The following ADCY8 variants were observed in gnomAD, a reference collection of about 807,000 sequenced individuals.
The protein encoded by ADCY8 is adenylate cyclase type 8.
In ADCY8, 51 loss-of-function variants were observed where a neutral mutation model predicts 119.7. The observed-to-expected ratio is 0.43, with a 90% CI of 0.34 to 0.54. The LOEUF is 0.54. ADCY8 is among the 20% of genes least tolerant of loss of function. ADCY8 has a pLI of 0.03. For missense variants in ADCY8, 1,383 were observed against 1,598.8 expected (o/e 0.87, Z 2.30); for synonymous variants, 665 against 651.0 (o/e 1.02, Z -0.33).
chr8:131,008,353 A>G (rs928087112), intron 1 of ADCY8, among the ~76,000 whole-genome samples: 6 of 152,110 alleles, frequency 3.9e-5, no homozygotes, highest in African/African-American at 9.7e-5. Context: ...AATTGAAACA[A>G]TGGGGCAGTT....
intron 8 of ADCY8, among the ~76,000 whole-genome samples, chr8:130,877,642 C>T (rs150971805): frequency 6.8e-4 from 103 of 152,302 alleles, no homozygotes; most frequent in Middle Eastern, 6.8e-3. Context: ...AAAGCATGGC[C>T]TTTGGGAATG....
At chr8:131,019,825 C>CTCTCTCTG (rs1563770539) in intron 1 of ADCY8, among the ~76,000 whole-genome samples, 1 of 124,582 alleles carries the variant, frequency 8.0e-6, no homozygotes, top group Non-Finnish European at 1.6e-5. Context: ...CTCTCTCTCT[C>CTCTCTCTG]TCTCTCTCTC....
At chr8:130,849,830 C>G (rs1182014356) in intron 9 of ADCY8, 27 bp from the exon 10 acceptor site, 17 of 1,594,008 alleles carry the variant, frequency 1.1e-5, no homozygotes, top group Non-Finnish European at 1.5e-5. Context: ...AATGTTGGGT[C>G]ATTGGCATCA....
At chr8:130,956,474 G>A (rs1003558255) in intron 2 of ADCY8, among the ~76,000 whole-genome samples, 3 of 152,128 alleles carry the variant, frequency 2.0e-5, no homozygotes, top group Non-Finnish European at 4.4e-5. Context: ...TCTCATTTCC[G>A]TGGTGAAGGG....
chr8:130,835,292 A>G (rs1229410870), intron 12 of ADCY8, among the ~76,000 whole-genome samples: 1 of 152,170 alleles, frequency 6.6e-6, no homozygotes, highest in Non-Finnish European at 1.5e-5. Context: ...ACTCTTGCCA[A>G]TGGGAGAGAC....
At chr8:130,892,256 T>A (rs1819213994) in intron 7 of ADCY8, 1 of 152,136 alleles carries the variant, frequency 6.6e-6, no homozygotes, top group South Asian at 2.1e-4. Context: ...GTAAACAATG[T>A]CAGTCTGGGG....
chr8:131,016,857 C>T (rs561017568), intron 1 of ADCY8, among the ~76,000 whole-genome samples: 2 of 152,066 alleles, frequency 1.3e-5, no homozygotes, highest in Non-Finnish European at 2.9e-5. Flanking sequence ...CAAGAGTTAT[C>T]CCCCAAAAGC....
At chr8:130,999,876 T>C (rs1423932095) in intron 1 of ADCY8, among the ~76,000 whole-genome samples, 1 of 152,224 alleles carries the variant, frequency 6.6e-6, no homozygotes, top group Non-Finnish European at 1.5e-5. Context: ...AGTACTGATT[T>C]GCATTTGGAT....
chr8:130,973,824 A>T (rs947177392), intron 2 of ADCY8, among the ~76,000 whole-genome samples: 1 of 152,186 alleles, frequency 6.6e-6, no homozygotes, highest in Non-Finnish European at 1.5e-5. Flanking sequence ...TGGAGCAAAA[A>T]AGCATATTTT....
chr8:130,820,506 A>G lies in ADCY8; in HGVS notation c.2754+836T>C, dbSNP rs573763075. On this transcript the variant is annotated intron_variant, in intron 13 of 17. Coordinates refer to ENST00000286355, the MANE Select transcript of ADCY8 (RefSeq NM_001115.3). ...GAATCTCCCCAAGCGACGAACGTTC[A>G]TGGGTTGGAGTTCACCTGGAGAAGA... Among the ~76,000 whole-genome samples, 65 of 152,340 alleles carry G rather than the reference A, an allele frequency of 4.3e-4. No individual in the cohort carries two copies. The South Asian group carries it at 0.013, about 32-fold the overall frequency.
chr8:131,000,382 G>C (rs1025204328), intron 1 of ADCY8, among the ~76,000 whole-genome samples: 2 of 152,140 alleles, frequency 1.3e-5, no homozygotes, highest in African/African-American at 4.8e-5. Flanking sequence ...TGTAGGTAAA[G>C]GTCTCATATA....
intron 1 of ADCY8, among the ~76,000 whole-genome samples, chr8:130,992,394 TATA>T (rs1822612561): frequency 1.3e-4 from 15 of 117,826 alleles, no homozygotes; most frequent in African/African-American, 5.6e-4. Flanking sequence ...TATATATATA[TATA>T]TATATATATA....
intron 3 of ADCY8, among the ~76,000 whole-genome samples, chr8:130,948,649 A>T (rs1821178629): frequency 1.9e-5 from 2 of 103,840 alleles, no homozygotes; most frequent in African/African-American, 8.8e-5. Flanking sequence ...CAAAATTAAA[A>T]AAAAAAAAAA....
At chr8:130,956,867 C>T (rs1053828920) in intron 2 of ADCY8, among the ~76,000 whole-genome samples, 4 of 152,158 alleles carry the variant, frequency 2.6e-5, no homozygotes, top group Non-Finnish European at 5.9e-5. Flanking sequence ...GGATGTGCTC[C>T]TCCTTGCTTT....
Position 130,919,303 on chromosome 8 carries a change from G to GCACACA in ADCY8, c.1482-9443_1482-9438dup, listed in dbSNP as rs150748885. On this transcript the variant is annotated intron_variant, in intron 5 of 17. Transcript: ENST00000286355. ...TGTGTGCATTATTTAACTCACACTC[G>GCACACA]CACACACACACACACACACCACACA... is the stretch of plus-strand genomic sequence containing the variant. Among the ~76,000 whole-genome samples the GCACACA allele has an allele frequency of 3.7e-3, 562 of 149,958 alleles. 6 individuals are homozygous for GCACACA. The highest frequency in any genetic ancestry group is 0.012 in the African/African-American group (507 of 40,968).
intron 14 of ADCY8, among the ~76,000 whole-genome samples, chr8:130,803,132 C>T (rs576075316): frequency 2.6e-5 from 4 of 152,222 alleles, no homozygotes; most frequent in African/African-American, 9.6e-5. Flanking sequence ...CAAACAAAGA[C>T]ACAAACCCTG....
At chr8:130,813,366 A>G (rs977388447) in intron 14 of ADCY8, among the ~76,000 whole-genome samples, 1 of 152,150 alleles carries the variant, frequency 6.6e-6, no homozygotes, top group Non-Finnish European at 1.5e-5. Context: ...AATTCTTTGC[A>G]CTCATGAAAC....
chr8:130,932,406 T>G (rs910443285), intron 5 of ADCY8, among the ~76,000 whole-genome samples: 2 of 152,174 alleles, frequency 1.3e-5, no homozygotes, highest in African/African-American at 4.8e-5. Context: ...TATGGGATCA[T>G]GAGGGTCTGC....
Position 130,780,576 on chromosome 8 carries a change from G to A in ADCY8, c.3570C>T (p.Tyr1190=), listed in dbSNP as rs559664737. ...ILPPRRLPGQ[Y]SLAAVVLGLV... ...GTCCCAGGACAACCGCGGCCAGGGA[G>A]TACTGCCCAGGCAGTCTTCTTGGGG... Residue 1190 remains tyrosine, a synonymous_variant, in exon 18 of 18, where the codon TAC becomes TAT. Transcript: ENST00000286355. 2 of 1,614,144 alleles carry A rather than the reference G, an allele frequency of 1.2e-6. No individual in the cohort carries two copies. Among genetic ancestry groups the A allele is most frequent in the East Asian group, 2.2e-5 (1 of 44,870 alleles).
Sources: allele counts gnomAD v4.1 joint callset (sites outside exome capture counted in the v4.1 genomes callset), GRCh38; gene constraint gnomAD v4.1.1; transcripts MANE v1.5; gene names NCBI Gene and HGNC (gene_info 2026-07-23, HGNC 2026-07-21).